SEC63: variants seen among roughly 807,000 people sequenced by gnomAD.
SEC63 encodes translocation protein SEC63 homolog.
A neutral mutation model predicts 116.2 loss-of-function variants in SEC63; 56 were observed. The ratio of observed to expected loss-of-function variants is 0.48; its 90% CI spans 0.39 to 0.60. The LOEUF is 0.60. Ranked by LOEUF, SEC63 falls within the 20% of genes least tolerant of loss-of-function variation. SEC63 has a pLI of 0.00. For missense variants in SEC63, 668 were observed against 900.0 expected, an observed-to-expected ratio of 0.74 and a Z score of 3.30; for synonymous variants, 273 against 294.6, an observed-to-expected ratio of 0.93 and a Z score of 0.75.
At chr6:107,878,306 CAAATAA>C (rs1786327890) in intron 18 of SEC63, among the ~76,000 whole-genome samples, 2 of 152,100 alleles carry the variant, frequency 1.3e-5, no homozygotes. Flanking sequence ...TGAGAGAATA[CAAATAA>C]AAATATATGT....
intron 1 of SEC63, chr6:107,956,008 A>G (rs1770703365): frequency 2.3e-6 from 1 of 426,186 alleles, no homozygotes; most frequent in Non-Finnish European, 4.8e-6. Flanking sequence ...ATCCTGACAC[A>G]GTGGCTCAAG....
intron 18 of SEC63, among the ~76,000 whole-genome samples, chr6:107,880,703 C>T (rs1216130493): frequency 2.6e-5 from 4 of 152,158 alleles, no homozygotes; most frequent in African/African-American, 9.7e-5. Flanking sequence ...AGGGTCAGAG[C>T]AATTCTAATG....
Position 107,924,907 on chromosome 6 carries a change from C to T in SEC63, c.250G>A (p.Ala84Thr), listed in dbSNP as rs1395002359. ...TTATATGCAAGGAATAAGAACAATG[C>T]CCATCCTGCAAGCAGAACTATTTTC... ...VKKIVLLAGWALFLFLAYKVS... is the reference protein window; with the variant it reads ...VKKIVLLAGWTLFLFLAYKVS... The change falls in exon 3 of 21, where the codon GCA becomes ACA. Residue 84 changes from alanine (A) to threonine (T), a missense_variant. Transcript: ENST00000369002. The T allele has an allele frequency of 6.3e-7, 1 of 1,595,136 alleles. No individual in the cohort carries two copies. Among genetic ancestry groups the T allele is most frequent in the Non-Finnish European group, 8.6e-7 (1 of 1,163,068 alleles).
Position 107,897,288 on chromosome 6 carries a change from T to C in SEC63, c.1440+361A>G, listed in dbSNP as rs73762093. Among the ~76,000 whole-genome samples the C allele has an allele frequency of 8.7e-3, 1,324 of 152,270 alleles. 19 individuals carry two copies. The highest frequency in any genetic ancestry group is 0.03 in the African/African-American group (1,264 of 41,560). On this transcript the variant is annotated intron_variant, in intron 14 of 20. Transcript: ENST00000369002. ...TATTTTTATTGTAATTCTTAGATTTTGAAATGAAAAATAAAAGTCAATTCT... is the reference window on the plus strand; with the variant it reads ...TATTTTTATTGTAATTCTTAGATTTCGAAATGAAAAATAAAAGTCAATTCT...
At chr6:107,915,409 C>T (rs548904721) in intron 4 of SEC63, among the ~76,000 whole-genome samples, 161 of 152,150 alleles carry the variant, frequency 1.1e-3, no homozygotes, top group African/African-American at 3.8e-3. Context: ...AACAAGTGAC[C>T]ATGAGTTGGC....
intron 20 of SEC63, 39 bp from the exon 21 acceptor site, chr6:107,871,886 G>A: frequency 1.2e-6 from 2 of 1,607,122 alleles, no homozygotes; most frequent in East Asian, 2.2e-5. Flanking sequence ...AGAAATTTGG[G>A]GAGAAATAAT....
At chr6:107,889,120 G>A (rs1266649676) in intron 16 of SEC63, among the ~76,000 whole-genome samples, 2 of 152,144 alleles carry the variant, frequency 1.3e-5, no homozygotes, top group African/African-American at 4.8e-5. Context: ...GAGTTAGGGA[G>A]GATTCCCTCT....
At chr6:107,941,312 G>GT (rs1770370277) in intron 1 of SEC63, among the ~76,000 whole-genome samples, 2 of 151,950 alleles carry the variant, frequency 1.3e-5, no homozygotes, top group African/African-American at 4.8e-5. Flanking sequence ...AATTAGCCGG[G>GT]TGTGGTGGCA....
intron 1 of SEC63, among the ~76,000 whole-genome samples, chr6:107,953,542 G>A (rs1461353029): frequency 2.9e-5 from 4 of 139,642 alleles, no homozygotes; most frequent in Non-Finnish European, 6.2e-5. Flanking sequence ...CCCCCCGCCC[G>A]GCCAGCCGCC....
At chr6:107,954,680 A>C (rs575099051) in intron 1 of SEC63, 17 of 152,278 alleles carry the variant, frequency 1.1e-4, no homozygotes, top group African/African-American at 4.1e-4. Context: ...TTTTGCAGCA[A>C]ACTTCTGAAA....
chr6:107,875,076 C>A (rs1786231036), intron 19 of SEC63, among the ~76,000 whole-genome samples: 1 of 151,974 alleles, frequency 6.6e-6, no homozygotes, highest in African/African-American at 2.4e-5. Context: ...GTTGCCCAGA[C>A]TGCTGCTGAA....
rs556632323 is a variant in SEC63, at chr6:107,951,204, G to A, written c.124+6682C>T. ...GTATTGTTGGCAATACCAAAGATGG[G>A]TAGTGTTAAGGTAATTATGTGCAAT... On this transcript the variant is annotated intron_variant, in intron 1 of 20. Transcript: ENST00000369002. Among the ~76,000 whole-genome samples the A allele has an allele frequency of 2.0e-5, 3 of 152,274 alleles. No homozygotes were observed. The South Asian group carries it at 6.2e-4, about 32-fold the overall frequency.
At chr6:107,934,453 C>CTGGGAGG (rs1229287286) in intron 1 of SEC63, among the ~76,000 whole-genome samples, 1 of 146,048 alleles carries the variant, frequency 6.8e-6, no homozygotes, top group Non-Finnish European at 1.5e-5. Context: ...GCGACCCCGT[C>CTGGGAGG]TGGGAGGTGA....
At chr6:107,934,590 C>A (rs1562336043) in intron 1 of SEC63, among the ~76,000 whole-genome samples, 1 of 148,052 alleles carries the variant, frequency 6.8e-6, no homozygotes, top group Non-Finnish European at 1.5e-5. Context: ...AGGAGCGTCT[C>A]CGCCCGGCAG....
At chr6:107,907,273 CAT>C (rs769609329) in intron 8 of SEC63, among the ~76,000 whole-genome samples, 17 of 152,218 alleles carry the variant, frequency 1.1e-4, no homozygotes, top group East Asian at 3.9e-4. Context: ...TGGAAATACA[CAT>C]GATTAAAACC....
intron 1 of SEC63, chr6:107,957,388 G>C (rs1472352586): frequency 6.6e-6 from 1 of 152,454 alleles, no homozygotes; most frequent in East Asian, 1.9e-4. Flanking sequence ...AGCTCAATTG[G>C]AGTCCTAAGC....
chr6:107,956,628 T>C (rs1350479459), intron 1 of SEC63, among the ~76,000 whole-genome samples: 1 of 152,204 alleles, frequency 6.6e-6, no homozygotes, highest in African/African-American at 2.4e-5. Context: ...TTAAACTTAT[T>C]GTCAAACGTA....
chr6:107,911,439 A>G, intron 6 of SEC63, 43 bp from the exon 7 acceptor site: 1 of 1,329,944 alleles, frequency 7.5e-7, no homozygotes, highest in Non-Finnish European at 1.1e-6. Flanking sequence ...CGTCAGGTAA[A>G]TTAAAACAAC....
intron 16 of SEC63, among the ~76,000 whole-genome samples, chr6:107,887,755 A>G (rs533095141): frequency 1.3e-5 from 2 of 152,264 alleles, no homozygotes; most frequent in South Asian, 4.1e-4. Flanking sequence ...TAACTAAAAA[A>G]AAAATTTTTT....
Sources: allele counts gnomAD v4.1 joint callset (sites outside exome capture counted in the v4.1 genomes callset), GRCh38; gene constraint gnomAD v4.1.1; transcripts MANE v1.5; gene names NCBI Gene and HGNC (gene_info 2026-07-23, HGNC 2026-07-21).